The following RREB1 variants were observed in gnomAD, a reference collection of about 807,000 sequenced individuals.
The protein encoded by RREB1 is ras responsive element binding protein 1, also known as ras-responsive element-binding protein 1.
Under a neutral mutation model 117.8 loss-of-function variants are expected in RREB1, and 27 were observed. The observed-to-expected ratio is 0.23, with a 90% CI of 0.17 to 0.32. RREB1 has a LOEUF of 0.32. Among genes scored for constraint, RREB1 ranks in the 10% least tolerant of loss-of-function variants. The probability of loss-of-function intolerance (pLI) is 1.00; values close to 1 mark genes in which losing one functional copy is unlikely to be tolerated. For missense variants in RREB1, 2,577 were observed against 2,378.2 expected (o/e 1.08, Z -1.74); for synonymous variants, 1,298 against 1,026.7 (o/e 1.26, Z -5.05).
chr6:7,123,954 C>T (rs930181514), intron 1 of RREB1, among the ~76,000 whole-genome samples: 8 of 152,206 alleles, frequency 5.3e-5, no homozygotes, highest in Non-Finnish European at 1.0e-4. Flanking sequence ...GTCCCTTCTT[C>T]GTGTACCCAA....
chr6:7,122,568 G>A (rs1445699287), intron 1 of RREB1, among the ~76,000 whole-genome samples: 1 of 152,126 alleles, frequency 6.6e-6, no homozygotes, highest in African/African-American at 2.4e-5. Flanking sequence ...GCCTGGCCCA[G>A]CCCTGTATTT....
At chr6:7,126,725 A>G (rs1761949597) in intron 1 of RREB1, among the ~76,000 whole-genome samples, 1 of 152,202 alleles carries the variant, frequency 6.6e-6, no homozygotes, top group African/African-American at 2.4e-5. Flanking sequence ...AGCAATCTGG[A>G]TTAGGAGGCC....
intron 1 of RREB1, among the ~76,000 whole-genome samples, chr6:7,128,691 G>A (rs192292784): frequency 3.3e-5 from 5 of 152,258 alleles, no homozygotes; most frequent in Non-Finnish European, 7.4e-5. Context: ...TCTTGGGGCC[G>A]GGCGTGGTGG....
intron 8 of RREB1, chr6:7,217,628 C>G (rs1039038161): frequency 6.6e-6 from 1 of 152,130 alleles, no homozygotes; most frequent in Non-Finnish European, 1.5e-5. Flanking sequence ...ACTTGGTTTC[C>G]CTATCTGGAA....
chr6:7,184,317 C>CT (rs1367342582), intron 4 of RREB1, among the ~76,000 whole-genome samples: 1 of 149,778 alleles, frequency 6.7e-6, no homozygotes, highest in Non-Finnish European at 1.5e-5. Flanking sequence ...GACAGGGTCT[C>CT]TATTTCTCAA....
chr6:7,138,886 G>A (rs531853297), intron 1 of RREB1, among the ~76,000 whole-genome samples: 3 of 151,026 alleles, frequency 2.0e-5, no homozygotes, highest in East Asian at 3.9e-4. Flanking sequence ...CATGAGTTAC[G>A]TAAAACAATT....
intron 6 of RREB1, among the ~76,000 whole-genome samples, chr6:7,195,290 G>T (rs1023700009): frequency 5.3e-5 from 8 of 152,122 alleles, no homozygotes; most frequent in Non-Finnish European, 1.2e-4. Flanking sequence ...AAGAACATTT[G>T]GGTTTTGGTA....
rs1197076739 is a variant in RREB1 at position 7,249,291 on chromosome 6, CCTCTT to C, written c.*325_*329del. The C allele has an allele frequency of 3.2e-6, 1 of 308,970 alleles. No homozygotes were observed. Among genetic ancestry groups the C allele is most frequent in the African/African-American group, 2.1e-5 (1 of 46,646 alleles). The allele number at this position is 308,970 out of a possible 1,614,324, so 19.1% of individuals were successfully genotyped here. A position where few individuals can be genotyped will look rare whatever the true frequency, so the allele number is the denominator to read the frequency against. ...ATTATAATGAATTGTCTGGAGAGGA[CCTCTT>C]CATTTGAGCATTAGCGTTATTTTGT... On this transcript the variant is annotated 3_prime_UTR_variant, in exon 13 of 13. Transcript: ENST00000379938.
chr6:7,113,425 T>C (rs565269342), intron 1 of RREB1, among the ~76,000 whole-genome samples: 1 of 152,354 alleles, frequency 6.6e-6, no homozygotes, highest in South Asian at 2.1e-4. Flanking sequence ...CTTTAAAATT[T>C]TTCTTTTTCA....
chr6:7,132,834 T>G (rs1762208551), intron 1 of RREB1, among the ~76,000 whole-genome samples: 1 of 152,272 alleles, frequency 6.6e-6, no homozygotes. Flanking sequence ...AGTGACTGTG[T>G]TTGTTGTGGT....
At position 7,231,320 on chromosome 6, in the gene RREB1, C is replaced by T. The variant is rs1767953326; in HGVS notation, c.3221C>T (p.Ser1074Phe). The stretch of plus-strand genomic sequence containing the variant: ...GCCTCCATTGCCCAGATCATCTCAT[C>T]TGTATCCTCGGCCCCCACCCTGCTG... ...PLASIAQIIS[S>F]VSSAPTLLKT... The change falls in exon 10 of 13, where the codon TCT (serine) becomes TTT (phenylalanine). Residue 1074 changes from serine (S) to phenylalanine (F), a missense_variant. Transcript: ENST00000379938. 1 of 1,610,204 alleles carries T rather than the reference C, an allele frequency of 6.2e-7. No individual in the cohort carries two copies. The highest frequency in any genetic ancestry group is 1.3e-5 in the African/African-American group (1 of 74,940).
intron 9 of RREB1, among the ~76,000 whole-genome samples, chr6:7,227,227 G>A (rs1186910952): frequency 6.6e-6 from 1 of 152,040 alleles, no homozygotes; most frequent in East Asian, 1.9e-4. Context: ...GGGTGGCAGA[G>A]AGAGATTGCC....
chr6:7,175,815 C>T (rs1764472496), intron 1 of RREB1, among the ~76,000 whole-genome samples: 1 of 152,344 alleles, frequency 6.6e-6, no homozygotes, highest in African/African-American at 2.4e-5. Context: ...AAAAGGTCTG[C>T]ATTTGGTCCT....
intron 1 of RREB1, among the ~76,000 whole-genome samples, chr6:7,126,659 TATC>T (rs1325609489): frequency 3.3e-5 from 5 of 152,236 alleles, no homozygotes; most frequent in African/African-American, 1.2e-4. Flanking sequence ...CTACTGTTAT[TATC>T]ATTGTTATTT....
chr6:7,177,089 C>T (rs772424077), intron 2 of RREB1, among the ~76,000 whole-genome samples: 4 of 151,652 alleles, frequency 2.6e-5, no homozygotes, highest in East Asian at 1.9e-4. Flanking sequence ...CGTGGTGGTG[C>T]GTGCCTGTAA....
chr6:7,148,361 G>A (rs1488325406), intron 1 of RREB1, among the ~76,000 whole-genome samples: 2 of 152,148 alleles, frequency 1.3e-5, no homozygotes, highest in East Asian at 3.9e-4. Context: ...GTTAGGGGAT[G>A]AGACAAGAAT....
At chr6:7,228,871 T>C (rs564243107) in intron 9 of RREB1, 126 bp from the exon 10 acceptor site, 26 of 843,134 alleles carry the variant, frequency 3.1e-5, no homozygotes, top group Non-Finnish European at 3.9e-5. Flanking sequence ...GGGAACTCTT[T>C]ATGTTATGGG....
At chr6:7,136,460 G>C (rs550700582) in intron 1 of RREB1, among the ~76,000 whole-genome samples, 3 of 152,078 alleles carry the variant, frequency 2.0e-5, no homozygotes, top group Non-Finnish European at 2.9e-5. Flanking sequence ...TTTTTAAATA[G>C]AGATAAGGTC....
chr6:7,111,115 A>G (rs1761120984), intron 1 of RREB1, among the ~76,000 whole-genome samples: 1 of 152,228 alleles, frequency 6.6e-6, no homozygotes, highest in African/African-American at 2.4e-5. Flanking sequence ...GAAGGAAGAA[A>G]ATAAACCTAC....
Sources: allele counts gnomAD v4.1 joint callset (sites outside exome capture counted in the v4.1 genomes callset), GRCh38; gene constraint gnomAD v4.1.1; transcripts MANE v1.5; gene names NCBI Gene and HGNC (gene_info 2026-07-23, HGNC 2026-07-21).